Variants in EYS observed in about 807,000 individuals in gnomAD.
EYS encodes EGF-like photoreceptor maintenance factor.
A neutral mutation model predicts 282.1 loss-of-function variants in EYS; 250 were observed. The observed-to-expected ratio is 0.89, with a 90% CI of 0.80 to 0.98. The LOEUF is 0.98. EYS is among the 50% of genes least tolerant of loss of function. The pLI, the probability that EYS is intolerant of heterozygous loss-of-function variation, is 0.00. For missense variants in EYS, 4,016 were observed against 3,709.0 expected (o/e 1.08, Z -2.15); for synonymous variants, 1,355 against 1,282.9 (o/e 1.06, Z -1.20).
intron 12 of EYS, among the ~76,000 whole-genome samples, chr6:65,078,957 CCCTG>C (rs1774141985): frequency 6.6e-6 from 1 of 151,562 alleles, no homozygotes; most frequent in African/African-American, 2.4e-5. Flanking sequence ...CCTGCTTCAC[CCCTG>C]CCATGAGCAA....
At chr6:65,117,517 C>T (rs184975872) in intron 12 of EYS, among the ~76,000 whole-genome samples, 32 of 152,176 alleles carry the variant, frequency 2.1e-4, no homozygotes, top group East Asian at 1.4e-3. Context: ...ATATCTGTCC[C>T]GCAGTCAATT....
chr6:65,343,006 T>C (rs1439784682), intron 10 of EYS, among the ~76,000 whole-genome samples: 1 of 151,174 alleles, frequency 6.6e-6, no homozygotes, highest in Non-Finnish European at 1.5e-5. Context: ...TGTAATGTAA[T>C]CATCTATGTG....
intron 33 of EYS, among the ~76,000 whole-genome samples, chr6:64,046,012 T>C: frequency 1.4e-5 from 2 of 147,728 alleles, no homozygotes; most frequent in Middle Eastern, 7.2e-3. Flanking sequence ...ATGTAATCTA[T>C]AATAAATATG....
chr6:63,742,909 A>G (rs1003609243), intron 41 of EYS, among the ~76,000 whole-genome samples: 6 of 152,224 alleles, frequency 3.9e-5, no homozygotes, highest in Non-Finnish European at 8.8e-5. Flanking sequence ...TTTGGCTATT[A>G]TAATAATTCT....
chr6:65,440,148 A>T (rs747074267), intron 5 of EYS, among the ~76,000 whole-genome samples: 1 of 152,126 alleles, frequency 6.6e-6, no homozygotes, highest in Non-Finnish European at 1.5e-5. Context: ...AGATGAGCTT[A>T]AAATAAAGGT....
chr6:64,880,102 T>C (rs1252089549), intron 19 of EYS, among the ~76,000 whole-genome samples: 3 of 152,146 alleles, frequency 2.0e-5, no homozygotes, highest in East Asian at 3.9e-4. Flanking sequence ...ATTCTGTAAC[T>C]GTTAAGCATA....
intron 5 of EYS, among the ~76,000 whole-genome samples, chr6:65,443,211 G>A (rs370921631): frequency 0.013 from 1,373 of 104,350 alleles, 154 homozygotes; most frequent in Middle Eastern, 0.058. Flanking sequence ...ATATATGTAT[G>A]CATCATATAC....
chr6:65,671,002 T>C (rs961165075), intron 1 of EYS, among the ~76,000 whole-genome samples: 1 of 152,084 alleles, frequency 6.6e-6, no homozygotes, highest in African/African-American at 2.4e-5. Context: ...TCAAATGTTG[T>C]TAAACATTGA....
chr6:65,602,366 T>A (rs1297508408), intron 2 of EYS, among the ~76,000 whole-genome samples: 1 of 151,950 alleles, frequency 6.6e-6, no homozygotes, highest in African/African-American at 2.4e-5. Flanking sequence ...TATAAAAACA[T>A]GTTTTGCTCA....
At chr6:64,311,115 G>A (rs925075753) in intron 29 of EYS, among the ~76,000 whole-genome samples, 1 of 151,906 alleles carries the variant, frequency 6.6e-6, no homozygotes, top group Non-Finnish European at 1.5e-5. Flanking sequence ...AAACATAAGT[G>A]AAACCTGAAC....
intron 30 of EYS, among the ~76,000 whole-genome samples, chr6:64,245,073 C>T (rs1216626778): frequency 1.3e-5 from 2 of 149,074 alleles, no homozygotes; most frequent in African/African-American, 2.5e-5. Context: ...TGAGAACATG[C>T]AGTGTTGGGT....
chr6:65,600,079 C>T (rs775178390), intron 2 of EYS, among the ~76,000 whole-genome samples: 1 of 152,058 alleles, frequency 6.6e-6, no homozygotes, highest in African/African-American at 2.4e-5. Context: ...TCCACTGCAC[C>T]TGTCACTTAT....
In EYS at chr6:64,590,956, T is replaced by C; in HGVS notation, c.4911A>G (p.Lys1637=). Residue 1637 remains lysine, a synonymous_variant, in exon 26 of 43, where the codon AAA becomes AAG. Transcript: ENST00000503581. ...PSLFPSKKSA[K]RTILSSSLEE... ...CCAAGGATGAGGATAAAATTGTTCT[T>C]TTTGCACTCTTTTTAGAAGGAAATA... 6.4e-7 allele frequency: 1 copy of C among 1,551,142 alleles called. No homozygotes were observed. The highest frequency in any genetic ancestry group is 8.7e-7 in the Non-Finnish European group (1 of 1,146,742).
intron 31 of EYS, among the ~76,000 whole-genome samples, chr6:64,117,780 C>T (rs1200455227): frequency 6.6e-6 from 1 of 151,844 alleles, no homozygotes; most frequent in Non-Finnish European, 1.5e-5. Flanking sequence ...TTGCAGATAA[C>T]ATAGTCTTAT....
intron 2 of EYS, among the ~76,000 whole-genome samples, chr6:65,628,416 A>G (rs1261065262): frequency 2.6e-5 from 4 of 152,190 alleles, no homozygotes; most frequent in Non-Finnish European, 5.9e-5. Flanking sequence ...GTGGGGCCAG[A>G]TAAGAGAATA....
intron 33 of EYS, among the ~76,000 whole-genome samples, chr6:64,002,259 C>G (rs1298815453): frequency 6.6e-6 from 1 of 152,188 alleles, no homozygotes; most frequent in African/African-American, 2.4e-5. Context: ...CCTCTTTCAG[C>G]TCCCATCCGT....
chr6:65,228,970 C>T (rs1358625321), intron 12 of EYS, among the ~76,000 whole-genome samples: 3 of 151,878 alleles, frequency 2.0e-5, no homozygotes, highest in African/African-American at 7.2e-5. Context: ...AAGAAAGAGC[C>T]AGTCTTAATC....
intron 19 of EYS, among the ~76,000 whole-genome samples, chr6:64,835,342 A>G (rs1401497777): frequency 1.3e-5 from 2 of 151,792 alleles, no homozygotes; most frequent in African/African-American, 4.8e-5. Context: ...GAGAGGCAAT[A>G]GAGATTGTTG....
intron 28 of EYS, among the ~76,000 whole-genome samples, chr6:64,392,844 A>G (rs1773204238): frequency 6.6e-6 from 1 of 151,698 alleles, no homozygotes; most frequent in African/African-American, 2.4e-5. Context: ...CAGGAGCTGG[A>G]TTTTTGAAAG....
Sources: gnomAD v4.1 joint callset for allele counts (sites outside exome capture counted in the v4.1 genomes callset) on GRCh38, gnomAD v4.1.1 for gene constraint, MANE v1.5 for transcripts, NCBI Gene and HGNC (gene_info 2026-07-23, HGNC 2026-07-21) for gene names.